The following CDC42BPG variants were observed in gnomAD, a reference collection of about 807,000 sequenced individuals.
CDC42BPG encodes CDC42 binding protein kinase gamma.
In CDC42BPG, 157 loss-of-function variants were observed where a neutral mutation model predicts 192.2. The ratio of observed to expected loss-of-function variants is 0.82; its 90% CI spans 0.72 to 0.93. The LOEUF (loss-of-function observed/expected upper bound fraction) is 0.93. Among genes scored for constraint, CDC42BPG ranks in the 40% least tolerant of loss-of-function variants. The probability of loss-of-function intolerance (pLI) is 0.00; values close to 1 mark genes in which losing one functional copy is unlikely to be tolerated. For synonymous variants in CDC42BPG, 981 were observed against 918.5 expected (o/e 1.07, Z -1.23); for missense variants, 1,992 against 2,122.1 (o/e 0.94, Z 1.20).
intron 3 of CDC42BPG, 89 bp downstream of exon 3, chr11:64,841,561 G>A (rs71541904): frequency 4.3e-5 from 40 of 935,698 alleles, no homozygotes; most frequent in Non-Finnish European, 5.3e-5. Context: ...AGCCTTGCCC[G>A]CCCCCCCCGC....
intron 13 of CDC42BPG, 78 bp from the exon 14 acceptor site, chr11:64,835,929 A>G: frequency 1.4e-6 from 2 of 1,407,236 alleles, no homozygotes; most frequent in Non-Finnish European, 1.9e-6. Flanking sequence ...TGGACTCCAG[A>G]CCTGCCAGCC....
chr11:64,840,563 T>A lies in CDC42BPG; in HGVS notation c.422A>T (p.Glu141Val), dbSNP rs781282177. 6.2e-7 allele frequency: 1 copy of A among 1,613,918 alleles called. No homozygotes were observed. Among genetic ancestry groups the A allele is most frequent in the East Asian group, 2.2e-5 (1 of 44,874 alleles). ...GCCACGTATCCTCACCAGGTACTCC[T>A]CGTCTTGGAAGGCATAGTGCAGAGT... ...VTTLHYAFQDEEYLYLVMDYY... is the reference protein window; with the variant it reads ...VTTLHYAFQDVEYLYLVMDYY... The change falls in exon 4 of 37, where the codon GAG becomes GTG. Residue 141 changes from glutamate to valine, a missense_variant. Around this residue, in one of 2 missense-constraint regions of CDC42BPG, gnomAD observed 1,656 missense variants for 1,844.3 expected, o/e 0.90. Coordinates refer to ENST00000342711, the MANE Select transcript of CDC42BPG (RefSeq NM_017525.3).
chr11:64,835,193 C>G, intron 16 of CDC42BPG, 40 bp from the exon 17 acceptor site: 1 of 1,602,416 alleles, frequency 6.2e-7, no homozygotes, highest in Non-Finnish European at 8.5e-7. Context: ...CAGGCCCCAG[C>G]AGTCCTGGGA....
Position 64,826,755 on chromosome 11 carries a change from G to T in CDC42BPG, c.4429C>A (p.Pro1477Thr). 1 of 1,534,906 alleles carries T rather than the reference G, an allele frequency of 6.5e-7. No individual in the cohort carries two copies. The highest frequency in any genetic ancestry group is 8.8e-7 in the Non-Finnish European group (1 of 1,141,884). Residue 1477 changes from proline (P) to threonine (T), a missense_variant, in exon 35 of 37, where the codon CCA becomes ACA. This residue lies in a region of CDC42BPG where 336 missense variants were observed against 277.9 expected (regional missense o/e 1.21). Transcript: ENST00000342711. ...TCGGAGAAGCTGTGGGGCCGCTGTGGGCCGGAGCCGCGGGCAACTCGGCCC... is the reference window on the plus strand; with the variant it reads ...TCGGAGAAGCTGTGGGGCCGCTGTGTGCCGGAGCCGCGGGCAACTCGGCCC... ...EKGRVARGSG[P>T]QRPHSFSEAL...
rs1192864769 is a variant in CDC42BPG, at chr11:64,836,705, C to CCGGGGGGGGGGGGGGG, written c.1384+33_1384+34insCCCCCCCCCCCCCCCG. The stretch of plus-strand genomic sequence containing the variant: ...ACCCGAGCCCAGGTGGGACTCAGCC[C>CCGGGGGGGGGGGGGGG]TGGGGGGGGGGGGGGGGTGGGCGGA... On this transcript the variant is annotated intron_variant, in intron 11 of 36. Transcript: ENST00000342711. The CCGGGGGGGGGGGGGGG allele has an allele frequency of 4.7e-4, 165 of 353,366 alleles. 58 individuals carry two copies. Among genetic ancestry groups the CCGGGGGGGGGGGGGGG allele is most frequent in the Admixed American group, 1.9e-3 (21 of 11,298 alleles). The allele number at this position is 353,366 out of a possible 1,614,324, so 21.9% of individuals were successfully genotyped here. A position where few individuals can be genotyped will look rare whatever the true frequency, so the allele number is the denominator to read the frequency against.
chr11:64,835,153 G>A lies in CDC42BPG; in HGVS notation c.1954C>T (p.Leu652=). ...NRRLSREQER[L]EAELAQEQES... is the part of the protein sequence containing the mutation. ...TGCTCCTGGGCCAGCTCTGCTTCTA[G>A]CTGGGGCCGGCCAGAGGAAAGGTCA... Residue 652 remains leucine (L), a splice_region_variant and synonymous_variant, in exon 17 of 37, where the codon CTA becomes TTA. Transcript: ENST00000342711. 1 of 1,601,822 alleles carries A rather than the reference G, an allele frequency of 6.2e-7. No individual in the cohort carries two copies. Among genetic ancestry groups the A allele is most frequent in the Non-Finnish European group, 8.5e-7 (1 of 1,179,836 alleles).
chr11:64,827,073 G>A lies in CDC42BPG; in HGVS notation c.4366C>T (p.Pro1456Ser). 1 of 1,612,756 alleles carries A rather than the reference G, an allele frequency of 6.2e-7. No homozygotes were observed. The highest frequency in any genetic ancestry group is 8.5e-7 in the Non-Finnish European group (1 of 1,178,826). Reference protein sequence around the residue: ...LVHVGPANGRPGARDKSPAPE... With the variant: ...LVHVGPANGRSGARDKSPAPE... ...ACCGGGGACTTGTCCCTGGCGCCGG[G>A]CCGCCCGTTGGCAGGGCCCACGTGT... is the stretch of plus-strand genomic sequence containing the variant. Residue 1456 changes from proline to serine, a missense_variant, in exon 34 of 37, where the codon CCC becomes TCC. By Grantham distance (74) the Pro-to-Ser change is moderately conservative. Transcript: ENST00000342711.
Position 64,836,227 on chromosome 11 carries a change from C to G in CDC42BPG, c.1558G>C (p.Glu520Gln). ...QELCRAQGQQ[E>Q]ELLQRLQEAQ... ...TCCTGTAGCCTCTGAAGCAGCTCCTCCTGCTGCCCCTGGGCCCTGCAGAGC... is the reference window on the plus strand; with the variant it reads ...TCCTGTAGCCTCTGAAGCAGCTCCTGCTGCTGCCCCTGGGCCCTGCAGAGC... Residue 520 changes from glutamate (E) to glutamine (Q), a missense_variant, in exon 13 of 37, where the codon GAG (glutamate) becomes CAG (glutamine). Transcript: ENST00000342711. The G allele has an allele frequency of 1.2e-6, 2 of 1,600,240 alleles. No homozygotes were observed. The highest frequency in any genetic ancestry group is 1.3e-5 in the African/African-American group (1 of 74,904).
rs767270879 is a variant in CDC42BPG at position 64,839,194 on chromosome 11, A to G, written c.715T>C (p.Ser239Pro). The G allele has an allele frequency of 6.2e-7, 1 of 1,613,164 alleles. No individual in the cohort carries two copies. The highest frequency in any genetic ancestry group is 8.5e-7 in the Non-Finnish European group (1 of 1,179,988). The change falls in exon 7 of 37, where the codon TCC (serine) becomes CCC (proline). Residue 239 changes from serine to proline, a missense_variant. By Grantham distance (74) the Ser-to-Pro change is moderately conservative. This residue lies in a region of CDC42BPG where 1,656 missense variants were observed against 1,844.3 expected (regional missense o/e 0.90). Coordinates refer to ENST00000342711, the MANE Select transcript of CDC42BPG (RefSeq NM_017525.3). ...SVAVGTPDYI[S>P]PEILQAMEEG... is the part of the protein sequence containing the mutation. ...TCCATGGCCTGCAGGATCTCAGGGGAGATATAGTCCGGCGTCCCTACTGCC... is the reference window on the plus strand; with the variant it reads ...TCCATGGCCTGCAGGATCTCAGGGGGGATATAGTCCGGCGTCCCTACTGCC...
chr11:64,833,895 C>A (rs1316364911), intron 21 of CDC42BPG, 30 bp downstream of exon 21: 1 of 1,614,220 alleles, frequency 6.2e-7, no homozygotes, highest in Admixed American at 1.7e-5. Context: ...CAGAACTTCT[C>A]CCCAACAAGC....
At position 64,835,089 on chromosome 11, in the gene CDC42BPG, G is replaced by A. The variant is rs202185944; in HGVS notation, c.2018C>T (p.Thr673Met). ...KQRLEGERRE[T>M]ESNWEAQLAD... ...GAGCTGGGCCTCCCAGTTGCTCTCCGTCTCCCGCCGCTCACCCTCCAGCCG... is the reference window on the plus strand; with the variant it reads ...GAGCTGGGCCTCCCAGTTGCTCTCCATCTCCCGCCGCTCACCCTCCAGCCG... Residue 673 changes from threonine (T) to methionine (M), a missense_variant, in exon 17 of 37, where the codon ACG becomes ATG. Physicochemically the swap from Thr to Met is moderately conservative, Grantham distance 81. Coordinates refer to ENST00000342711, the MANE Select transcript of CDC42BPG (RefSeq NM_017525.3). 28 of 1,467,444 alleles carry A rather than the reference G, an allele frequency of 1.9e-5. No homozygotes were observed. Among genetic ancestry groups the A allele is most frequent in the African/African-American group, 1.8e-4 (12 of 67,318 alleles). 90.9% of individuals were successfully genotyped at this position (1,467,444 alleles called of 1,614,324 possible).
At chr11:64,826,448 C>G (rs759753129) in intron 36 of CDC42BPG, 22 bp downstream of exon 36, 12 of 1,553,492 alleles carry the variant, frequency 7.7e-6, no homozygotes. Context: ...AGGGGACGGA[C>G]AAGCCTCCCG....
chr11:64,831,413 A>C, intron 28 of CDC42BPG, 92 bp downstream of exon 28: 1 of 1,175,248 alleles, frequency 8.5e-7, no homozygotes, highest in Non-Finnish European at 1.2e-6. Context: ...GCTGCAGGGA[A>C]TGGGCAGTAG....
chr11:64,842,579 A>G (rs1329164835), intron 1 of CDC42BPG, among the ~76,000 whole-genome samples: 1 of 152,182 alleles, frequency 6.6e-6, no homozygotes, highest in Non-Finnish European at 1.5e-5. Flanking sequence ...CTAGCCCCTG[A>G]AGGCGTGAGT....
chr11:64,840,932 T>G (rs928991383), intron 3 of CDC42BPG, among the ~76,000 whole-genome samples: 3 of 152,026 alleles, frequency 2.0e-5, no homozygotes, highest in Non-Finnish European at 4.4e-5. Flanking sequence ...GCAGATCACT[T>G]GAGATCAAGA....
rs1483080423 is a variant in CDC42BPG, at chr11:64,824,473, T to C, written c.4656A>G (p.Ter1552TrpextTer21). The change falls in exon 37 of 37, where the codon TGA becomes TGG. Residue 1552 changes from the stop codon to tryptophan, a stop_lost. Transcript: ENST00000342711. ...PLSPELESSP[*>W] is the part of the protein sequence containing the mutation. ...TTGGGGTGGGCCCTAACAGAGGGCA[T>C]CAAGGAGAGCTCTCCAATTCAGGGG... The C allele has an allele frequency of 6.3e-7, 1 of 1,594,034 alleles. No individual in the cohort carries two copies. Among genetic ancestry groups the C allele is most frequent in the Non-Finnish European group, 8.6e-7 (1 of 1,161,318 alleles).
chr11:64,834,279 G>A lies in CDC42BPG; in HGVS notation c.2400C>T (p.Ala800=). Residue 800 remains alanine (A), a synonymous_variant, in exon 20 of 37, where the codon GCC becomes GCT. Transcript: ENST00000342711. The stretch of plus-strand genomic sequence containing the variant: ...GCAGCCACTCACCCACTGGCCCTCG[G>A]GCCCGCAGCTCCTCCCGCAGCATGG... ...ELAMLREELR[A]RGPVDTKPSN... is the part of the protein sequence containing the mutation. 6.4e-7 allele frequency: 1 copy of A among 1,574,740 alleles called. No homozygotes were observed. The highest frequency in any genetic ancestry group is 1.8e-5 in the Admixed American group (1 of 56,160).
intron 1 of CDC42BPG, among the ~76,000 whole-genome samples, chr11:64,842,389 T>C (rs901669986): frequency 1.6e-4 from 25 of 152,026 alleles, no homozygotes; most frequent in African/African-American, 6.0e-4. Context: ...TGGGCCTGGG[T>C]CCCGGGACCC....
intron 1 of CDC42BPG, among the ~76,000 whole-genome samples, chr11:64,842,466 A>G (rs1277308572): frequency 6.6e-6 from 1 of 152,122 alleles, no homozygotes; most frequent in Non-Finnish European, 1.5e-5. Flanking sequence ...GACAGGCTCT[A>G]TGCTTCCCAC....
Sources: gnomAD v4.1 joint callset for allele counts (sites outside exome capture counted in the v4.1 genomes callset) on GRCh38, gnomAD v4.1.1 for gene constraint, gnomAD v4.1.1 regional missense constraint, MANE v1.5 for transcripts, NCBI Gene and HGNC (gene_info 2026-07-23, HGNC 2026-07-21) for gene names.